GRAMD2B: variants seen among roughly 807,000 people sequenced by gnomAD.
The protein encoded by GRAMD2B is GRAM domain-containing protein 2B.
A neutral mutation model predicts 59.2 loss-of-function variants in GRAMD2B; 41 were observed. That is an observed-to-expected ratio of 0.69 (90% confidence interval 0.54 to 0.90). The LOEUF is 0.90. Ranked by LOEUF, GRAMD2B falls within the 40% of genes least tolerant of loss-of-function variation. The pLI is 0.00. For missense variants in GRAMD2B, 424 were observed against 500.5 expected (o/e 0.85, Z 1.46); for synonymous variants, 161 against 182.7 (o/e 0.88, Z 0.96).
intron 1 of GRAMD2B, among the ~76,000 whole-genome samples, chr5:126,412,987 A>C (rs568038378): frequency 6.6e-6 from 1 of 151,808 alleles, no homozygotes; most frequent in East Asian, 1.9e-4. Flanking sequence ...GCTTATTTAG[A>C]TCTTCTCTCT....
At chr5:126,390,714 G>A (rs1756652672) in intron 1 of GRAMD2B, among the ~76,000 whole-genome samples, 2 of 152,298 alleles carry the variant, frequency 1.3e-5, no homozygotes, top group South Asian at 2.1e-4. Context: ...GGTCCAGCCA[G>A]TTCCATAATC....
intron 2 of GRAMD2B, among the ~76,000 whole-genome samples, chr5:126,469,307 T>C (rs1278922652): frequency 2.6e-5 from 4 of 152,178 alleles, no homozygotes; most frequent in Non-Finnish European, 5.9e-5. Context: ...TCTTAGAAGA[T>C]AGTATAATAA....
intron 1 of GRAMD2B, among the ~76,000 whole-genome samples, chr5:126,388,193 C>T (rs1022327376): frequency 3.3e-5 from 5 of 151,882 alleles, no homozygotes; most frequent in African/African-American, 7.3e-5. Flanking sequence ...ACCAACATGG[C>T]GAAATTCCAT....
At position 126,485,732 on chromosome 5, in the gene GRAMD2B, A is replaced by C. The variant is rs1238914140; in HGVS notation, c.1017A>C (p.Lys339Asn). The change falls in exon 11 of 14, where the codon AAA becomes AAC. Residue 339 changes from lysine (K) to asparagine (N), a missense_variant. Physicochemically the swap from Lys to Asn is moderately conservative, Grantham distance 94. Transcript: ENST00000285689. Reference protein sequence around the residue: ...VGILHKVKSQKCPMLHHILIF... With the variant: ...VGILHKVKSQNCPMLHHILIF... ...TCTTACATAAAGTCAAGTCTCAGAA[A>C]TGTCCGATGCTTCACCATATTCTTA... is the stretch of plus-strand genomic sequence containing the variant. 6.2e-7 allele frequency: 1 copy of C among 1,612,548 alleles called. No individual in the cohort carries two copies. The highest frequency in any genetic ancestry group is 8.5e-7 in the Non-Finnish European group (1 of 1,179,218).
intron 1 of GRAMD2B, among the ~76,000 whole-genome samples, chr5:126,427,922 T>G (rs1487213429): frequency 6.6e-6 from 1 of 152,198 alleles, no homozygotes; most frequent in Non-Finnish European, 1.5e-5. Flanking sequence ...GCATATAATT[T>G]TTTTTTTAAT....
intron 1 of GRAMD2B, among the ~76,000 whole-genome samples, chr5:126,380,917 G>A (rs918416516): frequency 6.6e-6 from 1 of 152,042 alleles, no homozygotes; most frequent in African/African-American, 2.4e-5. Flanking sequence ...GATTGCTCTG[G>A]CTGGGACTTT....
At chr5:126,401,202 T>C (rs1757805004) in intron 1 of GRAMD2B, among the ~76,000 whole-genome samples, 1 of 152,074 alleles carries the variant, frequency 6.6e-6, no homozygotes. Context: ...ACAGATTCTT[T>C]CTCATGCTTG....
exon 1 of GRAMD2B, chr5:126,360,422 G>T: frequency 6.4e-7 from 1 of 1,551,294 alleles, no homozygotes; most frequent in Non-Finnish European, 8.7e-7. Flanking sequence ...TATGTTCCAC[G>T]GGAGAGAAGT....
chr5:126,420,788 G>A (rs1759654989), upstream of GRAMD2B, among the ~76,000 whole-genome samples: 1 of 152,106 alleles, frequency 6.6e-6, no homozygotes, highest in Non-Finnish European at 1.5e-5. Flanking sequence ...GCACACCCAT[G>A]TTCATAGCAG....
chr5:126,420,070 A>AAAG (rs1554076421), upstream of GRAMD2B, among the ~76,000 whole-genome samples: 29 of 148,214 alleles, frequency 2.0e-4, no homozygotes, highest in East Asian at 5.8e-4. Context: ...AAAAAAAAAA[A>AAAG]AAAGAAAGAA....
chr5:126,449,083 G>T (rs546256762), intron 1 of GRAMD2B, among the ~76,000 whole-genome samples: 1 of 152,206 alleles, frequency 6.6e-6, no homozygotes, highest in Non-Finnish European at 1.5e-5. Context: ...TGCGTTTCAA[G>T]TCCAGATAGA....
chr5:126,363,750 T>C (rs911053073), intron 1 of GRAMD2B, among the ~76,000 whole-genome samples: 8 of 152,178 alleles, frequency 5.3e-5, no homozygotes, highest in Non-Finnish European at 8.8e-5. Flanking sequence ...AGATGAGATA[T>C]GAATGTCTCA....
Position 126,477,679 on chromosome 5 carries a change from G to A in GRAMD2B, c.487-13G>A. On this transcript the variant is annotated splice_polypyrimidine_tract_variant and intron_variant, in intron 5 of 13. Coordinates refer to ENST00000285689, the MANE Select transcript of GRAMD2B (RefSeq NM_023927.4). Reference sequence around the variant, plus strand: ...AAGTCTGAACTGGCATTAACTTGCTGATTCTGTTTCAGATCTCTATTCCAG... The same window carrying A: ...AAGTCTGAACTGGCATTAACTTGCTAATTCTGTTTCAGATCTCTATTCCAG... 1.4e-6 allele frequency: 2 copies of A among 1,477,270 alleles called. No homozygotes were observed. The highest frequency in any genetic ancestry group is 2.3e-5 in the South Asian group (2 of 88,318). 91.5% of individuals were successfully genotyped at this position (1,477,270 alleles called of 1,614,324 possible). A position where few individuals can be genotyped will look rare whatever the true frequency, so the allele number is the denominator to read the frequency against.
chr5:126,373,188 G>C (rs894849684), intron 1 of GRAMD2B, among the ~76,000 whole-genome samples: 2 of 151,982 alleles, frequency 1.3e-5, no homozygotes, highest in African/African-American at 4.8e-5. Flanking sequence ...TCTCTAAGTA[G>C]GTCAGGCATT....
chr5:126,392,735 G>A (rs1160259725), intron 1 of GRAMD2B, among the ~76,000 whole-genome samples: 7 of 151,936 alleles, frequency 4.6e-5, no homozygotes, highest in Admixed American at 3.9e-4. Context: ...GGGGGTGCGG[G>A]ATGGGAAACG....
chr5:126,362,019 G>C (rs1580657703), intron 1 of GRAMD2B, among the ~76,000 whole-genome samples: 1 of 152,192 alleles, frequency 6.6e-6, no homozygotes, highest in African/African-American at 2.4e-5. Context: ...CCCAAATGTG[G>C]TGACCTTTCA....
chr5:126,434,157 T>C (rs1762027602), intron 1 of GRAMD2B, among the ~76,000 whole-genome samples: 1 of 152,220 alleles, frequency 6.6e-6, no homozygotes, highest in Non-Finnish European at 1.5e-5. Context: ...ATACATCCAA[T>C]TCAACATTTA....
At chr5:126,361,616 A>G (rs1204558951) in intron 1 of GRAMD2B, among the ~76,000 whole-genome samples, 1 of 152,032 alleles carries the variant, frequency 6.6e-6, no homozygotes, top group Non-Finnish European at 1.5e-5. Context: ...CTCATCTTCC[A>G]TTTCTGAAAA....
At chr5:126,478,386 C>T (rs1771057810) in intron 6 of GRAMD2B, among the ~76,000 whole-genome samples, 1 of 152,038 alleles carries the variant, frequency 6.6e-6, no homozygotes, top group Non-Finnish European at 1.5e-5. Flanking sequence ...TGCAGTGAGC[C>T]ATGATTGTGC....
Sources: allele counts gnomAD v4.1 joint callset (sites outside exome capture counted in the v4.1 genomes callset), GRCh38; gene constraint gnomAD v4.1.1; transcripts MANE v1.5; gene names NCBI Gene and HGNC (gene_info 2026-07-23, HGNC 2026-07-21).